The following KCNMA1 variants were observed in gnomAD, a reference collection of about 807,000 sequenced individuals.
KCNMA1 encodes Calcium-activated potassium channel subunit alpha-1.
KCNMA1 carries 29 observed loss-of-function variants against 140.0 expected under a neutral mutation model. The ratio of observed to expected loss-of-function variants is 0.21; its 90% CI spans 0.15 to 0.28. The LOEUF (loss-of-function observed/expected upper bound fraction) is 0.28, where lower values mean the gene tolerates loss of function less well. Ranked by LOEUF, KCNMA1 falls within the 10% of genes least tolerant of loss-of-function variation. KCNMA1 has a pLI of 1.00. For missense variants in KCNMA1, 880 were observed against 1,602.2 expected (o/e 0.55, Z 7.70); for synonymous variants, 612 against 611.9 (o/e 1.00, Z 0.00).
chr10:76,927,887 T>G (rs951238665), intron 23 of KCNMA1, among the ~76,000 whole-genome samples: 2 of 152,206 alleles, frequency 1.3e-5, no homozygotes, highest in African/African-American at 4.8e-5. Flanking sequence ...AAGAAAGCCT[T>G]TATATTTCAC....
At chr10:77,178,581 T>C (rs573646764) in intron 5 of KCNMA1, among the ~76,000 whole-genome samples, 1 of 152,104 alleles carries the variant, frequency 6.6e-6, no homozygotes, top group African/African-American at 2.4e-5. Flanking sequence ...GGCAAGTGCC[T>C]GTAATCTGAG....
chr10:77,058,248 G>T (rs1365708883), intron 14 of KCNMA1, among the ~76,000 whole-genome samples: 1 of 151,972 alleles, frequency 6.6e-6, no homozygotes, highest in African/African-American at 2.4e-5. Context: ...GCACTTAACA[G>T]ACTTTCAAAC....
At chr10:77,539,743 A>G (rs535593135) in intron 1 of KCNMA1, among the ~76,000 whole-genome samples, 7 of 152,260 alleles carry the variant, frequency 4.6e-5, no homozygotes, top group South Asian at 4.1e-4. Flanking sequence ...CCACCCACCA[A>G]TGCAAATGCT....
At chr10:76,891,933 A>T (rs1308503265) in intron 25 of KCNMA1, among the ~76,000 whole-genome samples, 3 of 152,184 alleles carry the variant, frequency 2.0e-5, no homozygotes, top group Non-Finnish European at 4.4e-5. Context: ...AGCCTGACTT[A>T]AAAAACCCAG....
At chr10:77,392,973 G>A (rs557863092) in intron 2 of KCNMA1, among the ~76,000 whole-genome samples, 5 of 152,250 alleles carry the variant, frequency 3.3e-5, no homozygotes, top group African/African-American at 4.8e-5. Context: ...TGACACATGC[G>A]CCCACAACGT....
intron 3 of KCNMA1, among the ~76,000 whole-genome samples, chr10:77,217,176 G>A (rs939811399): frequency 1.3e-5 from 2 of 151,826 alleles, no homozygotes; most frequent in African/African-American, 4.8e-5. Context: ...ATGGTGGCAG[G>A]TGCCTGTGGT....
intron 5 of KCNMA1, among the ~76,000 whole-genome samples, chr10:77,125,857 T>G (rs187149187): frequency 5.3e-5 from 8 of 152,266 alleles, no homozygotes; most frequent in Admixed American, 2.0e-4. Context: ...TAATCCACAT[T>G]CAGAATTCTG....
chr10:77,034,499 G>A (rs1358418269), intron 15 of KCNMA1, among the ~76,000 whole-genome samples: 5 of 152,140 alleles, frequency 3.3e-5, no homozygotes, highest in African/African-American at 9.7e-5. Context: ...TTCCCCAAGC[G>A]GCTTCTTTTT....
intron 2 of KCNMA1, among the ~76,000 whole-genome samples, chr10:77,280,103 A>G (rs150932986): frequency 1.7e-4 from 26 of 152,312 alleles, no homozygotes; most frequent in African/African-American, 6.0e-4. Context: ...GAACACCAAC[A>G]TACCAAAGAC....
At chr10:77,403,745 C>G in intron 2 of KCNMA1, 117 bp downstream of exon 2, 1 of 1,014,786 alleles carries the variant, frequency 9.9e-7, no homozygotes, top group Non-Finnish European at 1.4e-6. Context: ...TGCTCACCCC[C>G]ACCTCCCAAT....
At chr10:76,934,145 G>T (rs573887380) in intron 23 of KCNMA1, among the ~76,000 whole-genome samples, 1 of 152,080 alleles carries the variant, frequency 6.6e-6, no homozygotes, top group East Asian at 1.9e-4. Context: ...GCTTATTTTT[G>T]TACTTTAATA....
At chr10:77,102,794 T>C (rs1371441107) in intron 9 of KCNMA1, among the ~76,000 whole-genome samples, 2 of 152,214 alleles carry the variant, frequency 1.3e-5, no homozygotes, top group Non-Finnish European at 2.9e-5. Flanking sequence ...AGTTGCAGAA[T>C]CTTAGTCTTT....
chr10:77,534,106 C>T (rs939345958), intron 1 of KCNMA1, among the ~76,000 whole-genome samples: 3 of 152,218 alleles, frequency 2.0e-5, no homozygotes, highest in African/African-American at 7.2e-5. Context: ...TCCTCCCCAG[C>T]TTCTCCCTAG....
intron 2 of KCNMA1, among the ~76,000 whole-genome samples, chr10:77,347,000 C>T (rs990233115): frequency 6.6e-6 from 1 of 152,138 alleles, no homozygotes; most frequent in African/African-American, 2.4e-5. Context: ...AAAGTGTTTC[C>T]AGAAAGTAAG....
At chr10:77,368,182 G>GC (rs553660818) in intron 2 of KCNMA1, among the ~76,000 whole-genome samples, 21 of 152,208 alleles carry the variant, frequency 1.4e-4, no homozygotes, top group African/African-American at 4.3e-4. Context: ...AGTTCCAGTT[G>GC]CCCCCCATCC....
chr10:77,343,825 G>A (rs1419662014), intron 2 of KCNMA1, among the ~76,000 whole-genome samples: 3 of 152,188 alleles, frequency 2.0e-5, no homozygotes, highest in East Asian at 1.9e-4. Context: ...AGCCAAGACT[G>A]AATAATTCAT....
At chr10:77,159,429 G>C (rs936054104) in intron 5 of KCNMA1, among the ~76,000 whole-genome samples, 9 of 152,040 alleles carry the variant, frequency 5.9e-5, no homozygotes, top group African/African-American at 2.2e-4. Context: ...GTAGGGCTTT[G>C]AGTGAGCAAA....
At chr10:76,930,303 G>A (rs1392499845) in intron 23 of KCNMA1, 2 of 152,070 alleles carry the variant, frequency 1.3e-5, no homozygotes, top group Admixed American at 1.3e-4. Context: ...ACCTGATTAA[G>A]AAATGGGCAA....
intron 24 of KCNMA1, chr10:76,910,822 T>C (rs2049877175): frequency 6.4e-6 from 1 of 155,170 alleles, no homozygotes; most frequent in Admixed American, 6.3e-5. Flanking sequence ...TATGCTTGCA[T>C]TCAAGCAGAT....
Sources: gnomAD v4.1 joint callset for allele counts (sites outside exome capture counted in the v4.1 genomes callset) on GRCh38, gnomAD v4.1.1 for gene constraint, MANE v1.5 for transcripts, NCBI Gene and HGNC (gene_info 2026-07-23, HGNC 2026-07-21) for gene names.